GMDS: variants seen among roughly 807,000 people sequenced by gnomAD.
The protein encoded by GMDS is GDP-mannose 4,6 dehydratase.
GMDS carries 20 observed loss-of-function variants against 49.9 expected under a neutral mutation model. The observed-to-expected ratio is 0.40, with a 90% CI of 0.28 to 0.58. The LOEUF is 0.58. Among genes scored for constraint, GMDS ranks in the 20% least tolerant of loss-of-function variants. The pLI, the probability that GMDS is intolerant of heterozygous loss-of-function variation, is 0.42. For missense variants in GMDS, 362 were observed against 481.4 expected (o/e 0.75, Z 2.32); for synonymous variants, 177 against 178.6 (o/e 0.99, Z 0.07).
At chr6:2,175,815 ATGT>A in intron 1 of GMDS, 1 of 641,924 alleles carries the variant, frequency 1.6e-6, no homozygotes, top group Non-Finnish European at 2.8e-6. Context: ...CCCTTAAAAC[ATGT>A]TGTAAGCACC....
At chr6:1,799,897 G>T (rs564763450) in intron 7 of GMDS, among the ~76,000 whole-genome samples, 2 of 152,106 alleles carry the variant, frequency 1.3e-5, no homozygotes, top group Non-Finnish European at 2.9e-5. Flanking sequence ...CATTTATATC[G>T]GTTGGAGATT....
At chr6:2,022,476 C>A (rs113096518) in intron 4 of GMDS, among the ~76,000 whole-genome samples, 2 of 151,952 alleles carry the variant, frequency 1.3e-5, no homozygotes, top group Non-Finnish European at 2.9e-5. Flanking sequence ...TAAAATAACA[C>A]GAATTCAATG....
chr6:1,813,570 T>C (rs1327775211), intron 7 of GMDS, among the ~76,000 whole-genome samples: 2 of 152,150 alleles, frequency 1.3e-5, no homozygotes, highest in Non-Finnish European at 2.9e-5. Flanking sequence ...TTGAGAGTAA[T>C]TAGTTCTAGA....
chr6:1,837,380 C>A (rs1014285460), intron 7 of GMDS, among the ~76,000 whole-genome samples: 1 of 152,156 alleles, frequency 6.6e-6, no homozygotes, highest in East Asian at 1.9e-4. Context: ...GTGGTCTTTG[C>A]AGAATGGGAA....
chr6:1,639,034 C>A (rs1416855326), intron 9 of GMDS, among the ~76,000 whole-genome samples: 1 of 152,206 alleles, frequency 6.6e-6, no homozygotes, highest in Admixed American at 6.5e-5. Flanking sequence ...GTGATGGAGA[C>A]TGACATAGAT....
At chr6:2,117,864 C>G (rs1381992953) in intron 2 of GMDS, among the ~76,000 whole-genome samples, 2 of 152,156 alleles carry the variant, frequency 1.3e-5, no homozygotes, top group African/African-American at 4.8e-5. Flanking sequence ...TAACTGCTGA[C>G]AAAAATATCT....
intron 6 of GMDS, among the ~76,000 whole-genome samples, chr6:1,937,246 G>A (rs1030019807): frequency 6.6e-6 from 1 of 152,128 alleles, no homozygotes; most frequent in Non-Finnish European, 1.5e-5. Flanking sequence ...AAATCCCTGT[G>A]GTTCCGTGAC....
intron 4 of GMDS, among the ~76,000 whole-genome samples, chr6:2,056,498 T>C (rs954317074): frequency 3.3e-5 from 5 of 152,160 alleles, no homozygotes; most frequent in African/African-American, 1.2e-4. Context: ...AAGAGGGCCA[T>C]TCCATGCTGT....
intron 7 of GMDS, among the ~76,000 whole-genome samples, chr6:1,883,956 T>C (rs535937285): frequency 2.8e-4 from 43 of 152,198 alleles, no homozygotes; most frequent in Non-Finnish European, 5.3e-4. Flanking sequence ...TTAATCCCAG[T>C]TCATTTAGAA....
chr6:1,810,491 C>T (rs1054824417), intron 7 of GMDS, among the ~76,000 whole-genome samples: 4 of 151,954 alleles, frequency 2.6e-5, no homozygotes, highest in African/African-American at 9.7e-5. Flanking sequence ...CTGTGTTGGC[C>T]AGGCTGGTCT....
intron 4 of GMDS, among the ~76,000 whole-genome samples, chr6:1,966,889 C>T (rs150914074): frequency 3.2e-4 from 49 of 152,324 alleles, no homozygotes; most frequent in Admixed American, 1.4e-3. Context: ...TTAGCCCACA[C>T]CTTAATTTAG....
chr6:1,837,873 A>G (rs1217669951), intron 7 of GMDS, among the ~76,000 whole-genome samples: 2 of 152,200 alleles, frequency 1.3e-5, no homozygotes, highest in African/African-American at 4.8e-5. Context: ...AAGGAGACCC[A>G]GGCCTCACAG....
intron 1 of GMDS, among the ~76,000 whole-genome samples, chr6:2,130,814 A>C (rs916568163): frequency 1.5e-5 from 2 of 132,996 alleles, no homozygotes; most frequent in African/African-American, 4.9e-5. Flanking sequence ...CTAAAAGATT[A>C]ATTTAAAAAA....
At chr6:1,743,603 T>C (rs1419420394) in intron 7 of GMDS, among the ~76,000 whole-genome samples, 1 of 150,930 alleles carries the variant, frequency 6.6e-6, no homozygotes, top group Non-Finnish European at 1.5e-5. Context: ...GAGCCAGGAG[T>C]CTGGTGGGCA....
intron 4 of GMDS, among the ~76,000 whole-genome samples, chr6:2,086,243 A>G (rs1025378105): frequency 2.6e-5 from 4 of 152,192 alleles, no homozygotes; most frequent in Non-Finnish European, 5.9e-5. Flanking sequence ...GGCAGTAACT[A>G]TCTATGTGCA....
intron 4 of GMDS, among the ~76,000 whole-genome samples, chr6:2,000,447 G>T (rs192699960): frequency 6.6e-4 from 99 of 150,706 alleles, no homozygotes; most frequent in African/African-American, 2.4e-3. Flanking sequence ...CCCAACCCCT[G>T]TCCCTTCAAC....
Position 1,900,013 on chromosome 6 carries a change from T to G in GMDS, c.771+30090A>C, listed in dbSNP as rs1005895402. The stretch of plus-strand genomic sequence containing the variant: ...TGGAGACCTTCCACAGGGCACCGTG[T>G]TGTTAGCTGCTGAAAAGTCCACACA... On this transcript the variant is annotated intron_variant, in intron 7 of 10. Coordinates refer to ENST00000380815, the MANE Select transcript of GMDS (RefSeq NM_001500.4). Among the ~76,000 whole-genome samples the G allele has an allele frequency of 9.8e-5, 15 of 152,306 alleles. No individual in the cohort carries two copies. The East Asian group carries it at 2.9e-3, about 29-fold the overall frequency.
intron 1 of GMDS, among the ~76,000 whole-genome samples, chr6:2,164,322 T>G (rs1350178583): frequency 6.6e-6 from 1 of 152,210 alleles, no homozygotes; most frequent in Non-Finnish European, 1.5e-5. Flanking sequence ...TGGAGTGTAG[T>G]GTACCTTCTC....
Position 1,690,539 on chromosome 6 carries a change from C to A in GMDS, c.987+35877G>T, listed in dbSNP as rs532822606. Among the ~76,000 whole-genome samples, 3 of 152,262 alleles carry A rather than the reference C, an allele frequency of 2.0e-5. No individual in the cohort carries two copies. In the South Asian group the frequency reaches 6.2e-4, roughly 32 times the overall value. ...GATCAGACGGTTGTAGACGTGCAGT[C>A]TTATTCCTGAGTCCCCATCAGAGTG... On this transcript the variant is annotated intron_variant, in intron 9 of 10. Transcript: ENST00000380815.
Sources: gnomAD v4.1 joint callset for allele counts (sites outside exome capture counted in the v4.1 genomes callset) on GRCh38, gnomAD v4.1.1 for gene constraint, MANE v1.5 for transcripts, NCBI Gene and HGNC (gene_info 2026-07-23, HGNC 2026-07-21) for gene names.